LIPT1: variants seen among roughly 807,000 people sequenced by gnomAD.
The protein encoded by LIPT1 is lipoyl amidotransferase LIPT1, mitochondrial.
LIPT1 carries 22 observed loss-of-function variants against 25.1 expected under a neutral mutation model. The ratio of observed to expected loss-of-function variants is 0.88; its 90% CI spans 0.63 to 1.25. The LOEUF (loss-of-function observed/expected upper bound fraction) is 1.25. Among genes scored for constraint, LIPT1 ranks in the 50% most tolerant of loss-of-function variants. The pLI is 0.00. For synonymous variants in LIPT1, 131 were observed against 150.8 expected (o/e 0.87, Z 0.96); for missense variants, 399 against 432.8 (o/e 0.92, Z 0.69).
chr2:99,155,790 G>T (rs998636666), intron 1 of LIPT1, among the ~76,000 whole-genome samples: 5 of 152,332 alleles, frequency 3.3e-5, no homozygotes, highest in East Asian at 3.9e-4. Flanking sequence ...TTCTCTAGGG[G>T]AGAGAGGGTA....
chr2:99,161,856 C>CT (rs745467937), intron 1 of LIPT1, 101 bp from the exon 2 acceptor site: 149 of 1,103,082 alleles, frequency 1.4e-4, no homozygotes, highest in Admixed American at 6.7e-4. Flanking sequence ...GCACTGGATA[C>CT]TTTAAGTTTG....
chr2:99,157,210 A>G (rs1031721807), intron 1 of LIPT1, among the ~76,000 whole-genome samples: 1 of 152,182 alleles, frequency 6.6e-6, no homozygotes, highest in Non-Finnish European at 1.5e-5. Context: ...GGGAAAAGAT[A>G]TTTCACAAGA....
chr2:99,155,419 G>C (rs2093741522), intron 1 of LIPT1: 5 of 452,798 alleles, frequency 1.1e-5, no homozygotes, highest in Non-Finnish European at 2.2e-5. Context: ...TCTTGGCGAG[G>C]TCTTATGAAG....
intron 1 of LIPT1, chr2:99,155,544 G>A (rs905860885): frequency 3.5e-5 from 16 of 454,716 alleles, no homozygotes; most frequent in Non-Finnish European, 6.6e-5. Context: ...GAACATGGAA[G>A]GTAAGGAAGT....
chr2:99,155,800 A>G (rs1032758455), intron 1 of LIPT1, among the ~76,000 whole-genome samples: 2 of 152,226 alleles, frequency 1.3e-5, no homozygotes, highest in African/African-American at 4.8e-5. Context: ...GAGAGAGGGT[A>G]TCCCGGCTTA....
In LIPT1 at chr2:99,155,049, C is replaced by T. The variant is rs1336790639; in HGVS notation, c.-4C>T. 1 of 455,764 alleles carries T rather than the reference C, an allele frequency of 2.2e-6. No homozygotes were observed. Among genetic ancestry groups the T allele is most frequent in the African/African-American group, 2.0e-5 (1 of 50,192 alleles). 28.2% of individuals were successfully genotyped at this position (455,764 alleles called of 1,614,324 possible). ...AGGCCGTGGGTACGACCGGAAGCCG[C>T]AGGTGGGTGAAGCGGAAACGCTTCA... On this transcript the variant is annotated splice_region_variant and 5_prime_UTR_variant, in exon 1 of 2. Transcript: ENST00000651691.
chr2:99,158,763 A>C (rs1382874647), intron 1 of LIPT1, among the ~76,000 whole-genome samples: 9 of 152,160 alleles, frequency 5.9e-5, no homozygotes, highest in Non-Finnish European at 1.3e-4. Context: ...TCTCAGCTTC[A>C]ATGTCACATC....
At chr2:99,160,795 A>C (rs1404386005) in intron 1 of LIPT1, among the ~76,000 whole-genome samples, 1 of 152,210 alleles carries the variant, frequency 6.6e-6, no homozygotes, top group Non-Finnish European at 1.5e-5. Flanking sequence ...TCCCAAAGTC[A>C]AACAGGAAAT....
intron 1 of LIPT1, 22 bp from the exon 2 acceptor site, chr2:99,161,931 ATTTG>A (rs1172681882): frequency 8.5e-6 from 13 of 1,537,038 alleles, no homozygotes; most frequent in African/African-American, 1.4e-5. Flanking sequence ...CGATGAATTA[ATTTG>A]TTTGTCTTCC....
chr2:99,162,134 C>T lies in LIPT1; in HGVS notation c.177C>T (p.Gly59=), dbSNP rs1372263806. ...DWIHDHMNLE[G]KPILFFWQNS... ...TCCATGACCATATGAATCTAGAAGG[C>T]AAACCAATTCTATTCTTTTGGCAGA... Residue 59 remains glycine (G), a synonymous_variant, in exon 2 of 2, where the codon GGC becomes GGT. Coordinates refer to ENST00000651691, the MANE Select transcript of LIPT1 (RefSeq NM_145199.3). The T allele has an allele frequency of 1.2e-6, 2 of 1,614,008 alleles. No homozygotes were observed. The highest frequency in any genetic ancestry group is 1.7e-6 in the Non-Finnish European group (2 of 1,179,966).
At position 99,162,074 on chromosome 2, in the gene LIPT1, T is replaced by C. The variant is rs775974225; in HGVS notation, c.117T>C (p.Asn39=). ...KNGLILQSIS[N]DVYQNLAVED... ...GGCTCATTTTACAGTCAATTTCCAA[T>C]GATGTCTATCAAAATCTGGCTGTGG... The change falls in exon 2 of 2, where the codon AAT becomes AAC. Residue 39 remains asparagine, a synonymous_variant. Coordinates refer to ENST00000651691, the MANE Select transcript of LIPT1 (RefSeq NM_145199.3). 6.8e-6 allele frequency: 11 copies of C among 1,614,018 alleles called. No individual in the cohort carries two copies. Among genetic ancestry groups the C allele is most frequent in the East Asian group, 4.5e-5 (2 of 44,876 alleles).
chr2:99,162,538 A>G lies in LIPT1; in HGVS notation c.581A>G (p.Lys194Arg). 6.2e-7 allele frequency: 1 copy of G among 1,614,196 alleles called. No individual in the cohort carries two copies. Among genetic ancestry groups the G allele is most frequent in the East Asian group, 2.2e-5 (1 of 44,878 alleles). The change falls in exon 2 of 2, where the codon AAG becomes AGG. Residue 194 changes from lysine to arginine, a missense_variant. Physicochemically the swap from Lys to Arg is conservative, Grantham distance 26. Transcript: ENST00000651691. ...TDGTFLSSLL[K>R]SPYQGIRSNA... ...GGGACGTTCTTGTCTTCTTTGCTAA[A>G]GAGCCCTTACCAAGGGATCAGGAGC...
chr2:99,160,905 CAGACTAAG>C (rs2105193483), intron 1 of LIPT1, among the ~76,000 whole-genome samples: 1 of 152,216 alleles, frequency 6.6e-6, no homozygotes, highest in South Asian at 2.1e-4. Flanking sequence ...CCTAAAATTA[CAGACTAAG>C]AGACTGAGTA....
At position 99,162,884 on chromosome 2, in the gene LIPT1, T is replaced by G. The variant is rs767769678; in HGVS notation, c.927T>G (p.Ile309Met). ...ACATAAAGAATGGAAGAATTGAAATTTGTAATATTGAAGCACCTGATCATT... is the reference window on the plus strand; with the variant it reads ...ACATAAAGAATGGAAGAATTGAAATGTGTAATATTGAAGCACCTGATCATT... Reference protein sequence around the residue: ...FIDIKNGRIEICNIEAPDHWL... With the variant: ...FIDIKNGRIEMCNIEAPDHWL... The change falls in exon 2 of 2, where the codon ATT becomes ATG. Residue 309 changes from isoleucine to methionine, a missense_variant. Ile to Met is a conservative substitution (Grantham distance 10). Coordinates refer to ENST00000651691, the MANE Select transcript of LIPT1 (RefSeq NM_145199.3). 2 of 1,612,922 alleles carry G rather than the reference T, an allele frequency of 1.2e-6. No individual in the cohort carries two copies. The highest frequency in any genetic ancestry group is 3.3e-5 in the Admixed American group (2 of 59,846).
At chr2:99,157,496 A>C (rs2093763137) in intron 1 of LIPT1, among the ~76,000 whole-genome samples, 1 of 152,136 alleles carries the variant, frequency 6.6e-6, no homozygotes, top group Non-Finnish European at 1.5e-5. Context: ...GAATACCCTC[A>C]TTGTATCCAC....
chr2:99,162,329 T>C lies in LIPT1; in HGVS notation c.372T>C (p.Tyr124=), dbSNP rs776772983. The C allele has an allele frequency of 1.2e-6, 2 of 1,613,514 alleles. No homozygotes were observed. The highest frequency in any genetic ancestry group is 1.7e-5 in the Admixed American group (1 of 60,000). Residue 124 remains tyrosine (Y), a synonymous_variant, in exon 2 of 2, where the codon TAT becomes TAC. Coordinates refer to ENST00000651691, the MANE Select transcript of LIPT1 (RefSeq NM_145199.3). The stretch of plus-strand genomic sequence containing the variant: ...CTTTCTTTACAACCAAAAAAAAGTA[T>C]GATAGAATGGAAAATCTGAAATTAA... The part of the protein sequence containing the change: ...NLTFFTTKKK[Y]DRMENLKLIV...
chr2:99,155,110 C>G (rs945701912), intron 1 of LIPT1, 59 bp downstream of exon 1: 1 of 452,564 alleles, frequency 2.2e-6, no homozygotes, highest in Non-Finnish European at 4.4e-6. Flanking sequence ...CGTGGGCGGC[C>G]GTGGGGTCTT....
intron 1 of LIPT1, among the ~76,000 whole-genome samples, chr2:99,160,996 G>A (rs1216310906): frequency 6.6e-6 from 1 of 151,864 alleles, no homozygotes; most frequent in Non-Finnish European, 1.5e-5. Flanking sequence ...CAACGCGGTG[G>A]CTCATGCCTG....
chr2:99,162,808 C>A lies in LIPT1; in HGVS notation c.851C>A (p.Ser284Tyr). Residue 284 changes from serine (S) to tyrosine (Y), a missense_variant, in exon 2 of 2, where the codon TCC becomes TAC. Ser to Tyr is a moderately radical substitution (Grantham distance 144). Coordinates refer to ENST00000651691, the MANE Select transcript of LIPT1 (RefSeq NM_145199.3). Reference sequence around the variant, plus strand: ...ACTCCAAAGTTTAGTATAAATACTTCCTTTCATGTGTTATATGAACAGTCA... The same window carrying A: ...ACTCCAAAGTTTAGTATAAATACTTACTTTCATGTGTTATATGAACAGTCA... ...GKTPKFSINT[S>Y]FHVLYEQSHL... is the part of the protein sequence containing the mutation. The A allele has an allele frequency of 6.2e-7, 1 of 1,614,002 alleles. No individual in the cohort carries two copies. Among genetic ancestry groups the A allele is most frequent in the South Asian group, 1.1e-5 (1 of 91,072 alleles).
Sources: gnomAD v4.1 joint callset for allele counts (sites outside exome capture counted in the v4.1 genomes callset) on GRCh38, gnomAD v4.1.1 for gene constraint, MANE v1.5 for transcripts, NCBI Gene and HGNC (gene_info 2026-07-23, HGNC 2026-07-21) for gene names.